Variants in AATK observed in about 807,000 individuals in gnomAD.
AATK encodes serine/threonine-protein kinase LMTK1.
Under a neutral mutation model 114.3 loss-of-function variants are expected in AATK, and 91 were observed. That is an observed-to-expected ratio of 0.80 (90% CI 0.67 to 0.95). AATK has a LOEUF of 0.95. AATK is among the 40% of genes least tolerant of loss of function. AATK has a pLI of 0.00. For synonymous variants in AATK, 1,075 were observed against 916.5 expected (o/e 1.17, Z -3.12); for missense variants, 2,176 against 1,965.2 (o/e 1.11, Z -2.03).
chr17:81,165,792 G>A lies in AATK; in HGVS notation c.55+146C>T, dbSNP rs1440097957. ...GCCTGCCCCTCCGAGATCTGGGGCC[G>A]CCAGGGGGTCCGGCTGCTTCTGCTG... On this transcript the variant is annotated intron_variant, in intron 1 of 13. Transcript: ENST00000326724. The A allele has an allele frequency of 3.3e-6, 5 of 1,501,672 alleles. No homozygotes were observed. The African/African-American group carries it at 4.2e-5, about 13-fold the overall frequency. The allele number at this position is 1,501,672 out of a possible 1,614,324, so 93.0% of individuals were successfully genotyped here.
At chr17:81,148,791 C>T (rs905934850) in intron 1 of AATK, among the ~76,000 whole-genome samples, 2 of 128,936 alleles carry the variant, frequency 1.6e-5, no homozygotes, top group Admixed American at 1.7e-4. Context: ...CATGGAGATT[C>T]GCATATGCAC....
chr17:81,150,630 T>C (rs573912971), intron 1 of AATK, among the ~76,000 whole-genome samples: 15 of 152,094 alleles, frequency 9.9e-5, no homozygotes, highest in African/African-American at 3.6e-4. Context: ...AAGAGCTCAT[T>C]CCTCATCCAA....
At chr17:81,145,147 C>T (rs111268857) in intron 1 of AATK, among the ~76,000 whole-genome samples, 25 of 150,366 alleles carry the variant, frequency 1.7e-4, no homozygotes, top group South Asian at 6.3e-4. Context: ...GCGGGAAAAT[C>T]GCTTGAACTC....
intron 2 of AATK, chr17:81,131,992 C>T: frequency 3.0e-6 from 4 of 1,315,162 alleles, no homozygotes; most frequent in Non-Finnish European, 4.0e-6. Context: ...GAGCCTGGCC[C>T]CGTGCAGCCT....
intron 4 of AATK, 148 bp downstream of exon 4, chr17:81,128,322 G>A: frequency 9.9e-7 from 1 of 1,015,202 alleles, no homozygotes; most frequent in African/African-American, 1.6e-5. Context: ...CAGATGCTGA[G>A]GACCTCCCTG....
At chr17:81,129,867 C>A (rs558166742) in intron 3 of AATK, among the ~76,000 whole-genome samples, 1 of 152,200 alleles carries the variant, frequency 6.6e-6, no homozygotes, top group Non-Finnish European at 1.5e-5. Context: ...CCTCCGCGCC[C>A]GCCCACAGAT....
chr17:81,119,957 TTGGGGAGCCATC>T lies in AATK; in HGVS notation c.3850_3861del (p.Asp1284_Pro1287del), dbSNP rs2060677433. On this transcript the variant is annotated inframe_deletion, in exon 12 of 14. Transcript: ENST00000326724. ...TCACCCTCTTCCGCTGTGGAGCCAT[TTGGGGAGCCATC>T]AGCCTGCTGCGGCCGGTTGGGGGCG... 3 of 1,448,258 alleles carry T rather than the reference TTGGGGAGCCATC, an allele frequency of 2.1e-6. No homozygotes were observed. The highest frequency in any genetic ancestry group is 2.7e-6 in the Non-Finnish European group (3 of 1,102,236). The allele number at this position is 1,448,258 out of a possible 1,614,324, so 89.7% of individuals were successfully genotyped here.
intron 6 of AATK, among the ~76,000 whole-genome samples, chr17:81,127,124 G>C (rs1282548056): frequency 5.4e-5 from 8 of 147,738 alleles, no homozygotes; most frequent in Non-Finnish European, 3.0e-5. Context: ...GCAGGTCTCA[G>C]GGGGAGGGGG....
Position 81,128,466 on chromosome 17 carries a change from G to T in AATK, c.414+4C>A, listed in dbSNP as rs577890591. 4 of 1,548,764 alleles carry T rather than the reference G, an allele frequency of 2.6e-6. No individual in the cohort carries two copies. The highest frequency in any genetic ancestry group is 3.5e-6 in the Non-Finnish European group (4 of 1,146,790). On this transcript the variant is annotated splice_donor_region_variant and intron_variant, in intron 4 of 13. Coordinates refer to ENST00000326724, the MANE Select transcript of AATK (RefSeq NM_001080395.3). The stretch of plus-strand genomic sequence containing the variant: ...GAGTCCTCCCTCCCAGGCGGGACAC[G>T]TACCTTCCCGAACCAGCCACGGCCG...
At chr17:81,125,861 G>A in intron 7 of AATK, 1 of 466,224 alleles carries the variant, frequency 2.1e-6, no homozygotes, top group South Asian at 1.6e-5. Flanking sequence ...CGGCAGGCAG[G>A]TCGGGAGGCT....
At chr17:81,131,850 G>T in intron 2 of AATK, 1 of 1,303,272 alleles carries the variant, frequency 7.7e-7, no homozygotes. Context: ...GAGCATTCCT[G>T]GATGTCTGGG....
At chr17:81,154,253 G>A (rs924050596) in intron 1 of AATK, among the ~76,000 whole-genome samples, 11 of 151,664 alleles carry the variant, frequency 7.3e-5, no homozygotes, top group Non-Finnish European at 7.4e-5. Flanking sequence ...GCAACTGCCC[G>A]TCACCTGGCC....
intron 1 of AATK, among the ~76,000 whole-genome samples, chr17:81,152,235 G>A (rs2061308155): frequency 6.6e-6 from 1 of 152,094 alleles, no homozygotes; most frequent in Admixed American, 6.6e-5. Context: ...CCAAGATTGT[G>A]CCACCGTACT....
At chr17:81,141,918 TCC>T in intron 1 of AATK, among the ~76,000 whole-genome samples, 1 of 33,772 alleles carries the variant, frequency 3.0e-5, no homozygotes, top group East Asian at 1.1e-3. Flanking sequence ...TTTCTCCCTC[TCC>T]TTCCTTCCTT....
At chr17:81,141,029 C>T (rs905289782) in intron 1 of AATK, among the ~76,000 whole-genome samples, 15 of 113,814 alleles carry the variant, frequency 1.3e-4, no homozygotes, top group African/African-American at 4.4e-4. Context: ...CCGTGGGGAC[C>T]GTGGGGACCA....
At chr17:81,163,690 G>A (rs1045415129) in intron 1 of AATK, among the ~76,000 whole-genome samples, 4 of 152,248 alleles carry the variant, frequency 2.6e-5, no homozygotes, top group African/African-American at 7.2e-5. Context: ...TGCCTGGTGC[G>A]GAAGGTCAGG....
At chr17:81,145,403 C>T (rs920484012) in intron 1 of AATK, among the ~76,000 whole-genome samples, 4 of 152,082 alleles carry the variant, frequency 2.6e-5, no homozygotes, top group African/African-American at 9.6e-5. Context: ...TGGAAGGGAT[C>T]GCAAAAGAAA....
At chr17:81,125,981 G>A in intron 7 of AATK, 1 of 476,930 alleles carries the variant, frequency 2.1e-6, no homozygotes, top group Non-Finnish European at 4.3e-6. Flanking sequence ...GGCTGACGGG[G>A]CCACGTGTCC....
intron 2 of AATK, among the ~76,000 whole-genome samples, chr17:81,132,212 C>G (rs2060944188): frequency 6.6e-6 from 1 of 152,224 alleles, no homozygotes; most frequent in South Asian, 2.1e-4. Flanking sequence ...TCCTTCCTCA[C>G]AACCCCCAGT....
Sources: gnomAD v4.1 joint callset for allele counts (sites outside exome capture counted in the v4.1 genomes callset) on GRCh38, gnomAD v4.1.1 for gene constraint, MANE v1.5 for transcripts, NCBI Gene and HGNC (gene_info 2026-07-23, HGNC 2026-07-21) for gene names.